RAB3C: variants seen among roughly 807,000 people sequenced by gnomAD.
RAB3C encodes RAB3C, member RAS oncogene family.
A neutral mutation model predicts 26.4 loss-of-function variants in RAB3C; 17 were observed. That is an observed-to-expected ratio of 0.64 (90% confidence interval 0.44 to 0.97). The LOEUF is 0.97. Among genes scored for constraint, RAB3C ranks in the 50% least tolerant of loss-of-function variants. The probability of loss-of-function intolerance (pLI) is 0.00; values close to 1 mark genes in which losing one functional copy is unlikely to be tolerated. For missense variants in RAB3C, 242 were observed against 281.9 expected (o/e 0.86, Z 1.01); for synonymous variants, 91 against 95.9 (o/e 0.95, Z 0.30).
chr5:58,598,212 C>T lies in RAB3C; in HGVS notation c.24+14980C>T, dbSNP rs560402085. 6.2e-3 allele frequency among the ~76,000 whole-genome samples: 812 copies of T among 130,954 alleles called. 45 individuals are homozygous for T. In the East Asian group the frequency reaches 0.078, roughly 13 times the overall value. 85.9% of individuals were successfully genotyped at this position (130,954 alleles called of 152,430 possible). ...TACATTATATATAAGTATACGATAA[C>T]ATGTAATACATTATATATAAGTATA... On this transcript the variant is annotated intron_variant, in intron 1 of 4. Coordinates refer to ENST00000282878, the MANE Select transcript of RAB3C (RefSeq NM_138453.4).
chr5:58,637,726 A>G (rs1270016300), intron 2 of RAB3C, among the ~76,000 whole-genome samples: 3 of 152,154 alleles, frequency 2.0e-5, no homozygotes, highest in African/African-American at 7.2e-5. Flanking sequence ...ACATATGTTC[A>G]TTGTAGAAAA....
chr5:58,676,673 AC>A (rs1254653781), intron 2 of RAB3C, among the ~76,000 whole-genome samples: 3 of 151,966 alleles, frequency 2.0e-5, no homozygotes, highest in Non-Finnish European at 4.4e-5. Flanking sequence ...TGCATTGATG[AC>A]CTGGCAGCTT....
At chr5:58,631,042 G>T (rs1057123011) in intron 2 of RAB3C, among the ~76,000 whole-genome samples, 5 of 152,210 alleles carry the variant, frequency 3.3e-5, no homozygotes, top group African/African-American at 1.2e-4. Flanking sequence ...AAACCAGAGA[G>T]AAGTTCTTAT....
intron 3 of RAB3C, among the ~76,000 whole-genome samples, chr5:58,787,391 AAC>A (rs985058411): frequency 6.6e-6 from 1 of 152,258 alleles, no homozygotes; most frequent in Non-Finnish European, 1.5e-5. Context: ...TCTTGAGAAG[AAC>A]ATACAGAAAA....
At chr5:58,842,435 A>C (rs1470240477) in intron 4 of RAB3C, among the ~76,000 whole-genome samples, 1 of 152,178 alleles carries the variant, frequency 6.6e-6, no homozygotes, top group East Asian at 1.9e-4. Flanking sequence ...ACTCTCTTTG[A>C]TGCCTGTAGG....
chr5:58,738,600 A>G (rs887139636), intron 3 of RAB3C, among the ~76,000 whole-genome samples: 3 of 152,196 alleles, frequency 2.0e-5, no homozygotes, highest in Admixed American at 1.3e-4. Flanking sequence ...AAGTGGTAAT[A>G]TTTCCATAAA....
intron 3 of RAB3C, among the ~76,000 whole-genome samples, chr5:58,766,364 C>T (rs1275836812): frequency 6.6e-6 from 1 of 152,134 alleles, no homozygotes. Flanking sequence ...GATCCACCCA[C>T]CTCGGCCCCC....
chr5:58,720,891 A>C (rs1400419601), intron 2 of RAB3C, among the ~76,000 whole-genome samples: 1 of 151,842 alleles, frequency 6.6e-6, no homozygotes, highest in Non-Finnish European at 1.5e-5. Flanking sequence ...TAACCACTAA[A>C]ACAAAAAACA....
chr5:58,819,402 A>G (rs1432798934), intron 3 of RAB3C, among the ~76,000 whole-genome samples: 1 of 152,202 alleles, frequency 6.6e-6, no homozygotes, highest in Non-Finnish European at 1.5e-5. Flanking sequence ...CAGTGTAGAC[A>G]AAATATGCAT....
intron 3 of RAB3C, among the ~76,000 whole-genome samples, chr5:58,737,397 ATATATATAT>A (rs1741166479): frequency 1.9e-3 from 1 of 522 alleles, no homozygotes; most frequent in Non-Finnish European, 4.4e-3. Context: ...CCTATGAAAT[ATATATATAT>A]ATATATATAT....
In RAB3C at chr5:58,664,096, C is replaced by T. The variant is rs566605531; in HGVS notation, c.252+46226C>T. 1.8e-4 allele frequency among the ~76,000 whole-genome samples: 27 copies of T among 152,228 alleles called. No individual in the cohort carries two copies. The South Asian group carries it at 5.0e-3, about 28-fold the overall frequency. Reference sequence around the variant, plus strand: ...TGGAATTACACTTATAGAAATTCAGCGCAGTCCAGCAATCAATTGCTGAAC... The same window carrying T: ...TGGAATTACACTTATAGAAATTCAGTGCAGTCCAGCAATCAATTGCTGAAC... On this transcript the variant is annotated intron_variant, in intron 2 of 4. Transcript: ENST00000282878.
intron 2 of RAB3C, among the ~76,000 whole-genome samples, chr5:58,670,693 G>T (rs1055181491): frequency 1.3e-5 from 2 of 152,168 alleles, no homozygotes; most frequent in Admixed American, 6.5e-5. Flanking sequence ...CTGTCCGCCC[G>T]AAGTGTAACT....
chr5:58,642,177 A>G (rs1747426324), intron 2 of RAB3C, among the ~76,000 whole-genome samples: 1 of 152,224 alleles, frequency 6.6e-6, no homozygotes. Flanking sequence ...AAACATGGTG[A>G]ACTGTTTTGA....
chr5:58,854,793 T>C lies in RAB3C; in HGVS notation c.*3442T>C, dbSNP rs1271474661. The C allele has an allele frequency of 3.9e-5, 6 of 152,090 alleles. No homozygotes were observed. The highest frequency in any genetic ancestry group is 1.4e-4 in the African/African-American group (6 of 41,398). The allele number at this position is 152,090 out of a possible 1,614,324, so 9.4% of individuals were successfully genotyped here. A position where few individuals can be genotyped will look rare whatever the true frequency, so the allele number is the denominator to read the frequency against. On this transcript the variant is annotated 3_prime_UTR_variant, in exon 5 of 5. Transcript: ENST00000282878. ...TGTGGCATTGTGATAATAAACAAAA[T>C]CTACAAAGTTACAACCCAAATTATA...
intron 3 of RAB3C, among the ~76,000 whole-genome samples, chr5:58,748,763 T>TC (rs1167854079): frequency 1.3e-5 from 2 of 152,240 alleles, no homozygotes. Flanking sequence ...AAGTTTATGC[T>TC]CCTTCTTCTA....
chr5:58,857,110 GACTC>G lies in RAB3C; in HGVS notation c.*5765_*5768del, dbSNP rs1447776504. 3.9e-5 allele frequency: 6 copies of G among 152,140 alleles called. No individual in the cohort carries two copies. In the East Asian group the frequency reaches 5.8e-4, roughly 15 times the overall value. The allele number at this position is 152,140 out of a possible 1,614,324, so 9.4% of individuals were successfully genotyped here. On this transcript the variant is annotated 3_prime_UTR_variant, in exon 5 of 5. Coordinates refer to ENST00000282878, the MANE Select transcript of RAB3C (RefSeq NM_138453.4). ...TGGGCCAATAAGTGCAATATTTAATGACTCACTCAGTGTATATAAACTAGTATGA... is the reference window on the plus strand; with the variant it reads ...TGGGCCAATAAGTGCAATATTTAATGACTCAGTGTATATAAACTAGTATGA...
chr5:58,796,469 C>T (rs1471737043), intron 3 of RAB3C, among the ~76,000 whole-genome samples: 1 of 152,124 alleles, frequency 6.6e-6, no homozygotes, highest in Non-Finnish European at 1.5e-5. Flanking sequence ...TTATTTAATA[C>T]AGAACCTGAC....
chr5:58,630,390 A>T (rs549529069), intron 2 of RAB3C, among the ~76,000 whole-genome samples: 1 of 152,226 alleles, frequency 6.6e-6, no homozygotes, highest in Admixed American at 6.5e-5. Flanking sequence ...TATTTAATGT[A>T]TTATAAATTA....
Position 58,615,944 on chromosome 5 carries a change from T to G in RAB3C, c.25-1699T>G, listed in dbSNP as rs949269552. On this transcript the variant is annotated intron_variant, in intron 1 of 4. Transcript: ENST00000282878. ...CAATCTCACCATTTCCCTTTTTCCT[T>G]TTTCCTCAGTTTTCTGTAAACATAC... is the stretch of plus-strand genomic sequence containing the variant. Among the ~76,000 whole-genome samples the G allele has an allele frequency of 2.7e-5, 4 of 150,876 alleles. No homozygotes were observed. The Admixed American group carries it at 2.7e-4, about 10-fold the overall frequency.
Sources: gnomAD v4.1 joint callset for allele counts (sites outside exome capture counted in the v4.1 genomes callset) on GRCh38, gnomAD v4.1.1 for gene constraint, MANE v1.5 for transcripts, NCBI Gene and HGNC (gene_info 2026-07-23, HGNC 2026-07-21) for gene names.